Variants in BCKDHB observed in about 807,000 individuals in gnomAD.
BCKDHB encodes 2-oxoisovalerate dehydrogenase subunit beta, mitochondrial.
BCKDHB carries 41 observed loss-of-function variants against 48.5 expected under a neutral mutation model. The observed-to-expected ratio is 0.85, with a 90% CI of 0.66 to 1.10. The LOEUF is 1.10. Ranked by LOEUF, BCKDHB falls within the 50% of genes least tolerant of loss-of-function variation. BCKDHB has a pLI of 0.00. For missense variants in BCKDHB, 496 were observed against 494.2 expected (o/e 1.00, Z -0.03); for synonymous variants, 201 against 174.8 (o/e 1.15, Z -1.18).
At chr6:80,221,814 G>A (rs888302045) in intron 8 of BCKDHB, among the ~76,000 whole-genome samples, 1 of 152,126 alleles carries the variant, frequency 6.6e-6, no homozygotes, top group Admixed American at 6.6e-5. Context: ...CATAATTAGT[G>A]TTTTTGAGTA....
At chr6:80,256,013 G>T (rs1009445430) in intron 8 of BCKDHB, among the ~76,000 whole-genome samples, 1 of 152,106 alleles carries the variant, frequency 6.6e-6, no homozygotes, top group African/African-American at 2.4e-5. Context: ...CCCCCCAAAG[G>T]CTGAAAGTTC....
intron 1 of BCKDHB, among the ~76,000 whole-genome samples, chr6:80,116,515 C>A (rs1024439512): frequency 1.3e-5 from 2 of 152,214 alleles, no homozygotes; most frequent in African/African-American, 2.4e-5. Flanking sequence ...CCTCTTGGAG[C>A]TTATGTTCCA....
chr6:80,208,958 G>A (rs1176263208), intron 8 of BCKDHB, among the ~76,000 whole-genome samples: 2 of 151,692 alleles, frequency 1.3e-5, no homozygotes, highest in African/African-American at 4.8e-5. Context: ...TATAAGAAAG[G>A]AAAATTATAG....
intron 9 of BCKDHB, among the ~76,000 whole-genome samples, chr6:80,277,862 C>T (rs1324855628): frequency 4.0e-5 from 6 of 151,544 alleles, no homozygotes; most frequent in African/African-American, 1.5e-4. Context: ...TTTTATAGGG[C>T]CTATACAAGT....
intron 6 of BCKDHB, among the ~76,000 whole-genome samples, chr6:80,192,277 TA>T (rs1773934779): frequency 6.6e-6 from 1 of 152,186 alleles, no homozygotes; most frequent in Non-Finnish European, 1.5e-5. Context: ...TGTTAGGTAA[TA>T]TTTTTTCCCT....
At chr6:80,222,766 A>G (rs1315814433) in intron 8 of BCKDHB, among the ~76,000 whole-genome samples, 1 of 152,162 alleles carries the variant, frequency 6.6e-6, no homozygotes, top group African/African-American at 2.4e-5. Flanking sequence ...GGATGTGGCT[A>G]AGAATCGTGA....
intron 8 of BCKDHB, among the ~76,000 whole-genome samples, chr6:80,260,367 C>T (rs1264507424): frequency 6.6e-6 from 1 of 152,148 alleles, no homozygotes; most frequent in Non-Finnish European, 1.5e-5. Context: ...TACAAGATTT[C>T]TCCTATGAGG....
chr6:80,113,846 G>A (rs12208016), intron 1 of BCKDHB, among the ~76,000 whole-genome samples: 55,856 of 152,042 alleles, frequency 0.37, 12,278 homozygotes, highest in Admixed American at 0.56. Context: ...GTCACTTTCC[G>A]CAACCAATCA....
chr6:80,416,873 A>G, the BCKDHB span, among the ~76,000 whole-genome samples: 12 of 151,614 alleles, frequency 7.9e-5, no homozygotes, highest in Non-Finnish European at 1.2e-4. Context: ...ATAAATGCCT[A>G]TCAGGTCTAT....
At chr6:80,325,438 G>A (rs951005025) in intron 9 of BCKDHB, among the ~76,000 whole-genome samples, 1 of 152,172 alleles carries the variant, frequency 6.6e-6, no homozygotes, top group African/African-American at 2.4e-5. Context: ...CTGAAAAATG[G>A]AACAAATGCT....
chr6:80,384,353 T>C, the BCKDHB span, among the ~76,000 whole-genome samples: 3,318 of 147,834 alleles, frequency 0.022, 123 homozygotes, highest in African/African-American at 0.075. Flanking sequence ...TTCTTCTTTT[T>C]TTTTTTTTTT....
At chr6:80,430,928 A>C in the BCKDHB span, among the ~76,000 whole-genome samples, 12 of 151,636 alleles carry the variant, frequency 7.9e-5, no homozygotes, top group South Asian at 2.1e-3. Flanking sequence ...TAGATTTTAT[A>C]TCTTTCCTGT....
chr6:80,180,140 A>AT (rs1205655368), intron 6 of BCKDHB, among the ~76,000 whole-genome samples: 1 of 152,234 alleles, frequency 6.6e-6, no homozygotes, highest in East Asian at 1.9e-4. Context: ...ACAGATGAAA[A>AT]TAAGTCATAT....
At chr6:80,243,329 G>A (rs989192533) in intron 8 of BCKDHB, among the ~76,000 whole-genome samples, 1 of 152,186 alleles carries the variant, frequency 6.6e-6, no homozygotes, top group Non-Finnish European at 1.5e-5. Flanking sequence ...TCAGGGGGAA[G>A]AGGGAAGGAG....
intron 3 of BCKDHB, among the ~76,000 whole-genome samples, chr6:80,140,915 C>T (rs1771170541): frequency 1.3e-5 from 2 of 152,118 alleles, no homozygotes; most frequent in South Asian, 4.1e-4. Context: ...TAGAATTCGG[C>T]TGTGAATCCA....
At chr6:80,300,233 G>T (rs1767512287) in intron 9 of BCKDHB, among the ~76,000 whole-genome samples, 1 of 152,066 alleles carries the variant, frequency 6.6e-6, no homozygotes, top group Admixed American at 6.6e-5. Flanking sequence ...GTTGTTTTTA[G>T]TAGAGTCAGG....
chr6:80,438,476 G>A, the BCKDHB span, among the ~76,000 whole-genome samples: 2 of 152,034 alleles, frequency 1.3e-5, no homozygotes, highest in Admixed American at 6.6e-5. Context: ...ATTTCACTAA[G>A]TAGAACCAAA....
chr6:80,435,465 T>C, the BCKDHB span, among the ~76,000 whole-genome samples: 1 of 152,250 alleles, frequency 6.6e-6, no homozygotes, highest in Admixed American at 6.5e-5. Flanking sequence ...GTTTATTGAA[T>C]GTCTACTTTG....
chr6:80,176,047 C>G (rs1483309073), intron 6 of BCKDHB, among the ~76,000 whole-genome samples: 3 of 152,028 alleles, frequency 2.0e-5, no homozygotes, highest in Admixed American at 1.3e-4. Flanking sequence ...TGCTAGGAGA[C>G]CGGGTAGGCG....
Sources: allele counts gnomAD v4.1 joint callset (sites outside exome capture counted in the v4.1 genomes callset), GRCh38; gene constraint gnomAD v4.1.1; transcripts MANE v1.5; gene names NCBI Gene and HGNC (gene_info 2026-07-23, HGNC 2026-07-21).